Variants in LZIC observed in about 807,000 individuals in gnomAD.
LZIC encodes the protein protein LZIC.
A neutral mutation model predicts 25.4 loss-of-function variants in LZIC; 28 were observed. That is an observed-to-expected ratio of 1.10 (90% CI 0.82 to 1.51). The LOEUF (loss-of-function observed/expected upper bound fraction) is 1.51, where lower values mean the gene tolerates loss of function less well. Ranked by LOEUF, LZIC falls within the 40% of genes most tolerant of loss-of-function variation. The pLI, the probability that LZIC is intolerant of heterozygous loss-of-function variation, is 0.00. For missense variants in LZIC, 170 were observed against 211.1 expected (o/e 0.81, Z 1.21); for synonymous variants, 65 against 70.7 (o/e 0.92, Z 0.40).
intron 7 of LZIC, among the ~76,000 whole-genome samples, chr1:9,930,712 A>AATTT (rs909633768): frequency 2.0e-5 from 3 of 151,104 alleles, no homozygotes; most frequent in African/African-American, 4.9e-5. Context: ...TGTAAAATTT[A>AATTT]ATTTATTTAT....
In LZIC at chr1:9,928,600, G is replaced by C. The variant is rs180893841; in HGVS notation, c.*1799C>G. Among the ~76,000 whole-genome samples the C allele has an allele frequency of 1.3e-5, 2 of 152,174 alleles. No homozygotes were observed. The highest frequency in any genetic ancestry group is 2.4e-5 in the African/African-American group (1 of 41,518). The stretch of plus-strand genomic sequence containing the variant: ...AAACTTGAAAATATGATGATGTCCC[G>C]GTGTGGTAGCTCACACCTATAATCC... On this transcript the variant is annotated 3_prime_UTR_variant, in exon 8 of 8. Transcript: ENST00000377223.
In LZIC at chr1:9,928,097, C is replaced by A. The variant is rs951690880; in HGVS notation, c.*2302G>T. Reference sequence around the variant, plus strand: ...TGGGAGGTTGAGGCGGGTGGATCACCTAAGGTCAGGAGTTCGAGACCAGCC... The same window carrying A: ...TGGGAGGTTGAGGCGGGTGGATCACATAAGGTCAGGAGTTCGAGACCAGCC... On this transcript the variant is annotated 3_prime_UTR_variant, in exon 8 of 8. Transcript: ENST00000377223. 6.6e-6 allele frequency among the ~76,000 whole-genome samples: 1 copy of A among 151,936 alleles called. No homozygotes were observed. Among genetic ancestry groups the A allele is most frequent in the African/African-American group, 2.4e-5 (1 of 41,362 alleles).
At chr1:9,931,086 G>C (rs1255677912) in intron 7 of LZIC, among the ~76,000 whole-genome samples, 1 of 151,322 alleles carries the variant, frequency 6.6e-6, no homozygotes, top group African/African-American at 2.4e-5. Context: ...TTTTTGCGGG[G>C]AGACAGGTCT....
At chr1:9,934,692 G>C in intron 5 of LZIC, 70 bp downstream of exon 5, 1 of 1,333,954 alleles carries the variant, frequency 7.5e-7, no homozygotes, top group Non-Finnish European at 1.1e-6. Context: ...TTAAGCCATA[G>C]GATATCATAA....
At chr1:9,941,141 G>A (rs775988400) in intron 2 of LZIC, among the ~76,000 whole-genome samples, 17 of 152,046 alleles carry the variant, frequency 1.1e-4, no homozygotes, top group Non-Finnish European at 1.9e-4. Flanking sequence ...TCACTAGGTT[G>A]TGAATTATTT....
At chr1:9,923,874 T>A (rs1020895300), downstream of LZIC, among the ~76,000 whole-genome samples, 6 of 152,098 alleles carry the variant, frequency 3.9e-5, no homozygotes, top group African/African-American at 9.7e-5. Context: ...CGCCTCAGCC[T>A]CCCGAGTAGC....
At chr1:9,935,015 T>C (rs1022734291) in intron 4 of LZIC, among the ~76,000 whole-genome samples, 155 bp from the exon 5 acceptor site, 1 of 151,996 alleles carries the variant, frequency 6.6e-6, no homozygotes, top group African/African-American at 2.4e-5. Context: ...GGATATGTTG[T>C]GTATGCATAA....
In LZIC at chr1:9,932,688, A is replaced by AG. The variant is rs1640280060; in HGVS notation, c.432+114_432+115insC. ...ACAAGAGCGGAACTCCGTCTCAGAA[A>AG]AAAAAAAAAAAAAAAAAGAATGTCT... On this transcript the variant is annotated intron_variant, in intron 6 of 7. Transcript: ENST00000377223. The AG allele has an allele frequency of 2.7e-5, 12 of 445,282 alleles. No individual in the cohort carries two copies. The South Asian group carries it at 4.1e-4, about 15-fold the overall frequency. 27.6% of individuals were successfully genotyped at this position (445,282 alleles called of 1,614,324 possible). A position where few individuals can be genotyped will look rare whatever the true frequency, so the allele number is the denominator to read the frequency against.
intron 7 of LZIC, among the ~76,000 whole-genome samples, chr1:9,931,348 C>T (rs1388954535): frequency 3.9e-5 from 6 of 152,030 alleles, no homozygotes; most frequent in African/African-American, 1.4e-4. Context: ...CTGCAAGCTC[C>T]GCCTCCTGGG....
chr1:9,932,066 G>C (rs1640236860), intron 6 of LZIC, 94 bp from the exon 7 acceptor site: 2 of 631,680 alleles, frequency 3.2e-6, no homozygotes, highest in Non-Finnish European at 4.9e-6. Context: ...TGGGCACCGT[G>C]GCTCACGCCT....
downstream of LZIC, among the ~76,000 whole-genome samples, chr1:9,924,702 G>A (rs949185750): frequency 2.0e-5 from 3 of 152,030 alleles, no homozygotes; most frequent in East Asian, 5.8e-4. Flanking sequence ...CATTGCTCAG[G>A]CTGGCTCTGT....
chr1:9,929,190 C>T lies in LZIC; in HGVS notation c.*1209G>A. ...TGAATTTTATGATATATGAATTTCA[C>T]CTCTTTTAAGTTCCAAATAAGGCAT... On this transcript the variant is annotated 3_prime_UTR_variant, in exon 8 of 8. Transcript: ENST00000377223. 1 of 457,982 alleles carries T rather than the reference C, an allele frequency of 2.2e-6. No individual in the cohort carries two copies. Among genetic ancestry groups the T allele is most frequent in the Non-Finnish European group, 2.9e-6 (1 of 348,052 alleles). The allele number at this position is 457,982 out of a possible 1,614,324, so 28.4% of individuals were successfully genotyped here. A position where few individuals can be genotyped will look rare whatever the true frequency, so the allele number is the denominator to read the frequency against.
At chr1:9,934,322 T>G (rs935360107) in intron 5 of LZIC, among the ~76,000 whole-genome samples, 4 of 152,052 alleles carry the variant, frequency 2.6e-5, no homozygotes, top group Non-Finnish European at 4.4e-5. Flanking sequence ...ATGCTCTGAA[T>G]CACTATGCTA....
chr1:9,941,908 C>G (rs1274136339), intron 2 of LZIC, among the ~76,000 whole-genome samples: 1 of 151,950 alleles, frequency 6.6e-6, no homozygotes, highest in Non-Finnish European at 1.5e-5. Flanking sequence ...CTTTAGCATT[C>G]AAATCTTTTT....
At chr1:9,939,525 T>C (rs974339487) in intron 2 of LZIC, among the ~76,000 whole-genome samples, 4 of 143,900 alleles carry the variant, frequency 2.8e-5, no homozygotes, top group Non-Finnish European at 4.5e-5. Context: ...GGATTACAGG[T>C]GTGCCACCAC....
Position 9,929,839 on chromosome 1 carries a change from A to G in LZIC, c.*560T>C. 1.0e-6 allele frequency: 1 copy of G among 982,680 alleles called. No individual in the cohort carries two copies. The highest frequency in any genetic ancestry group is 1.2e-6 in the Non-Finnish European group (1 of 827,440). 60.9% of individuals were successfully genotyped at this position (982,680 alleles called of 1,614,324 possible). A position where few individuals can be genotyped will look rare whatever the true frequency, so the allele number is the denominator to read the frequency against. On this transcript the variant is annotated 3_prime_UTR_variant, in exon 8 of 8. Coordinates refer to ENST00000377223, the MANE Select transcript of LZIC (RefSeq NM_032368.5). ...AAAATTCAAAAGATACTAAACTGGG[A>G]GTCAGGACACCTGAGTCTTACCCTC... is the stretch of plus-strand genomic sequence containing the variant.
Position 9,930,215 on chromosome 1 carries a change from C to T in LZIC, c.*184G>A, listed in dbSNP as rs765137141. On this transcript the variant is annotated 3_prime_UTR_variant, in exon 8 of 8. Transcript: ENST00000377223. Reference sequence around the variant, plus strand: ...GTTCAGGATCACTCAAGCAGGTAACCGCACACAACGCACAATGATGAAGAG... The same window carrying T: ...GTTCAGGATCACTCAAGCAGGTAACTGCACACAACGCACAATGATGAAGAG... 4.0e-5 allele frequency: 57 copies of T among 1,441,110 alleles called. No homozygotes were observed. Among genetic ancestry groups the T allele is most frequent in the Admixed American group, 1.2e-4 (5 of 40,326 alleles). 89.3% of individuals were successfully genotyped at this position (1,441,110 alleles called of 1,614,324 possible).
intron 5 of LZIC, 104 bp from the exon 6 acceptor site, chr1:9,933,002 A>C: frequency 1.1e-5 from 8 of 742,788 alleles, no homozygotes; most frequent in Non-Finnish European, 1.8e-5. Context: ...CTATAATCTC[A>C]ACACTTTGGG....
intron 2 of LZIC, 113 bp from the exon 3 acceptor site, chr1:9,936,740 G>C (rs72858100): frequency 4.3e-6 from 3 of 697,522 alleles, no homozygotes; most frequent in Non-Finnish European, 7.3e-6. Flanking sequence ...GGCTGGTCTC[G>C]GAACATCTGG....
Sources: gnomAD v4.1 joint callset for allele counts (sites outside exome capture counted in the v4.1 genomes callset) on GRCh38, gnomAD v4.1.1 for gene constraint, MANE v1.5 for transcripts, NCBI Gene and HGNC (gene_info 2026-07-23, HGNC 2026-07-21) for gene names.